Variants in MSH3 observed in about 807,000 individuals in gnomAD.
MSH3 encodes mutS homolog 3, also known as DNA mismatch repair protein Msh3.
MSH3 carries 106 observed loss-of-function variants against 123.3 expected under a neutral mutation model. The observed-to-expected ratio is 0.86, with a 90% CI of 0.73 to 1.01. The LOEUF is 1.01. Among genes scored for constraint, MSH3 ranks in the 50% least tolerant of loss-of-function variants. The pLI, the probability that MSH3 is intolerant of heterozygous loss-of-function variation, is 0.00. For synonymous variants in MSH3, 515 were observed against 481.4 expected (o/e 1.07, Z -0.91); for missense variants, 1,459 against 1,347.6 (o/e 1.08, Z -1.29).
At chr5:80,789,390 A>C (rs1396538767) in intron 18 of MSH3, among the ~76,000 whole-genome samples, 1 of 143,080 alleles carries the variant, frequency 7.0e-6, no homozygotes, top group African/African-American at 2.6e-5. Flanking sequence ...TTTTTTCCTG[A>C]GACAGAGTCT....
intron 3 of MSH3, among the ~76,000 whole-genome samples, chr5:80,667,548 C>T (rs1749599068): frequency 6.6e-6 from 1 of 152,208 alleles, no homozygotes; most frequent in Non-Finnish European, 1.5e-5. Context: ...AATCTCGCAG[C>T]TGCCAAGGGT....
intron 20 of MSH3, among the ~76,000 whole-genome samples, chr5:80,824,554 TC>T (rs893795456): frequency 1.3e-4 from 20 of 152,236 alleles, no homozygotes; most frequent in African/African-American, 4.8e-4. Flanking sequence ...TGGAAGCACT[TC>T]CTCAAGCCCT....
chr5:80,737,186 C>G (rs756523573), intron 10 of MSH3, among the ~76,000 whole-genome samples: 3 of 152,118 alleles, frequency 2.0e-5, no homozygotes, highest in Non-Finnish European at 4.4e-5. Context: ...AAAAGTTAGA[C>G]AAGTGATGAA....
At chr5:80,752,174 A>G (rs2112874045) in intron 12 of MSH3, among the ~76,000 whole-genome samples, 1 of 152,060 alleles carries the variant, frequency 6.6e-6, no homozygotes, top group East Asian at 1.9e-4. Context: ...ATGCCTAGGA[A>G]GAAAGAAGCA....
chr5:80,800,890 A>G (rs907205009), intron 19 of MSH3, among the ~76,000 whole-genome samples: 1 of 152,220 alleles, frequency 6.6e-6, no homozygotes, highest in African/African-American at 2.4e-5. Context: ...AAAACAAAAT[A>G]AAATGGGCTG....
At chr5:80,681,996 A>C (rs914945479) in intron 8 of MSH3, among the ~76,000 whole-genome samples, 2 of 152,102 alleles carry the variant, frequency 1.3e-5, no homozygotes, top group African/African-American at 4.8e-5. Context: ...AATTTTCTCT[A>C]TGTTTACTGA....
chr5:80,826,684 G>A (rs1745316828), intron 20 of MSH3, among the ~76,000 whole-genome samples: 1 of 151,926 alleles, frequency 6.6e-6, no homozygotes. Flanking sequence ...AAGTAGTTGG[G>A]ATTACAGGCA....
intron 11 of MSH3, among the ~76,000 whole-genome samples, chr5:80,742,508 A>T (rs989252522): frequency 6.6e-6 from 1 of 152,266 alleles, no homozygotes. Flanking sequence ...CTGGAGAATC[A>T]TCTGAACCAT....
At chr5:80,765,786 C>T (rs969071625) in intron 13 of MSH3, among the ~76,000 whole-genome samples, 8 of 152,196 alleles carry the variant, frequency 5.3e-5, no homozygotes, top group Middle Eastern at 3.4e-3. Context: ...TCTTCCTCTT[C>T]GTTTATTTCT....
intron 12 of MSH3, among the ~76,000 whole-genome samples, chr5:80,757,536 C>T (rs1743948648): frequency 6.6e-6 from 1 of 152,126 alleles, no homozygotes; most frequent in Admixed American, 6.6e-5. Context: ...TTAGTCCTTT[C>T]ATCTTTGGTA....
intron 10 of MSH3, among the ~76,000 whole-genome samples, chr5:80,735,399 A>G (rs1420909544): frequency 1.3e-5 from 2 of 151,232 alleles, no homozygotes; most frequent in East Asian, 3.9e-4. Flanking sequence ...AAAAAAAAAA[A>G]AAAAAGTTGA....
At chr5:80,742,372 G>A (rs1743632678) in intron 11 of MSH3, among the ~76,000 whole-genome samples, 1 of 152,178 alleles carries the variant, frequency 6.6e-6, no homozygotes, top group African/African-American at 2.4e-5. Flanking sequence ...ATAACGGGGA[G>A]ATTAAACTTA....
intron 20 of MSH3, among the ~76,000 whole-genome samples, chr5:80,833,618 T>C (rs1745458170): frequency 6.6e-6 from 1 of 152,148 alleles, no homozygotes; most frequent in African/African-American, 2.4e-5. Context: ...AATTTTTGTA[T>C]TTTTAGTAGA....
chr5:80,854,336 T>A lies in MSH3; in HGVS notation c.3000+20T>A. 6.2e-7 allele frequency: 1 copy of A among 1,600,280 alleles called. No homozygotes were observed. The highest frequency in any genetic ancestry group is 8.6e-7 in the Non-Finnish European group (1 of 1,168,184). ...AGAGATGTAAGTATCCGGTAAACTG[T>A]ATTTAAAAAGAAATTAATTTGTAAA... On this transcript the variant is annotated intron_variant, in intron 21 of 23. Transcript: ENST00000265081.
chr5:80,875,402 G>A (rs1315969611), intron 23 of MSH3, among the ~76,000 whole-genome samples: 3 of 151,974 alleles, frequency 2.0e-5, no homozygotes, highest in Non-Finnish European at 4.4e-5. Flanking sequence ...TTTTCATCCT[G>A]GGAACACTTC....
At chr5:80,669,305 A>G (rs764699870) in intron 3 of MSH3, among the ~76,000 whole-genome samples, 2 of 152,180 alleles carry the variant, frequency 1.3e-5, no homozygotes, top group Admixed American at 6.5e-5. Context: ...TTTTTAGGCC[A>G]TATTTTTCAT....
At chr5:80,811,463 TAGTTTATTAAGA>T (rs1434938218) in intron 19 of MSH3, among the ~76,000 whole-genome samples, 1 of 152,146 alleles carries the variant, frequency 6.6e-6, no homozygotes, top group Non-Finnish European at 1.5e-5. Flanking sequence ...GACTTATTAA[TAGTTTATTAAGA>T]AGTTTTGCAT....
At chr5:80,714,567 G>A (rs1054907765) in intron 8 of MSH3, among the ~76,000 whole-genome samples, 5 of 152,102 alleles carry the variant, frequency 3.3e-5, no homozygotes, top group African/African-American at 1.2e-4. Context: ...ATGTGAAGAT[G>A]GTTTAATATA....
chr5:80,824,281 C>T (rs552231950), intron 20 of MSH3, among the ~76,000 whole-genome samples: 113 of 152,070 alleles, frequency 7.4e-4, no homozygotes, highest in East Asian at 2.7e-3. Flanking sequence ...CGGGCAGAGG[C>T]GCCCCTCACC....
Sources: allele counts gnomAD v4.1 joint callset (sites outside exome capture counted in the v4.1 genomes callset), GRCh38; gene constraint gnomAD v4.1.1; transcripts MANE v1.5; gene names NCBI Gene and HGNC (gene_info 2026-07-23, HGNC 2026-07-21).